Variants in GRIN3A observed in about 807,000 individuals in gnomAD.
The protein encoded by GRIN3A is glutamate receptor ionotropic, NMDA 3A.
Under a neutral mutation model 92.4 loss-of-function variants are expected in GRIN3A, and 47 were observed. That is an observed-to-expected ratio of 0.51 (90% confidence interval 0.40 to 0.65). The LOEUF (loss-of-function observed/expected upper bound fraction) is 0.65, where lower values mean the gene tolerates loss of function less well. Among genes scored for constraint, GRIN3A ranks in the 30% least tolerant of loss-of-function variants. GRIN3A has a pLI of 0.00. For synonymous variants in GRIN3A, 527 were observed against 540.6 expected, an observed-to-expected ratio of 0.97 and a Z score of 0.35; for missense variants, 1,324 against 1,393.1, an observed-to-expected ratio of 0.95 and a Z score of 0.79.
At chr9:101,595,751 C>T (rs990058895) in intron 6 of GRIN3A, among the ~76,000 whole-genome samples, 1 of 152,188 alleles carries the variant, frequency 6.6e-6, no homozygotes, top group African/African-American at 2.4e-5. Flanking sequence ...AGAACACAAC[C>T]TCTGTTACTC....
intron 6 of GRIN3A, among the ~76,000 whole-genome samples, chr9:101,585,608 C>T (rs1827940159): frequency 6.6e-6 from 1 of 152,180 alleles, no homozygotes; most frequent in South Asian, 2.1e-4. Context: ...CCTTTGATTC[C>T]TGTCTTTCTC....
chr9:101,676,638 A>G (rs976967277), intron 2 of GRIN3A, among the ~76,000 whole-genome samples: 3 of 151,854 alleles, frequency 2.0e-5, no homozygotes, highest in African/African-American at 7.3e-5. Context: ...TACTAGTAAC[A>G]TTCTCTCAAA....
At chr9:101,595,403 G>T (rs889221016) in intron 6 of GRIN3A, among the ~76,000 whole-genome samples, 4 of 151,770 alleles carry the variant, frequency 2.6e-5, no homozygotes, top group Non-Finnish European at 5.9e-5. Context: ...CAGAAGCACA[G>T]TGCTTCACAG....
chr9:101,654,960 T>C (rs1005670061), intron 3 of GRIN3A, among the ~76,000 whole-genome samples: 1 of 151,890 alleles, frequency 6.6e-6, no homozygotes, highest in African/African-American at 2.4e-5. Flanking sequence ...TGGTGACATA[T>C]ATATTTATGG....
At chr9:101,636,370 C>G (rs772072894) in intron 3 of GRIN3A, among the ~76,000 whole-genome samples, 1 of 152,310 alleles carries the variant, frequency 6.6e-6, no homozygotes, top group Admixed American at 6.5e-5. Flanking sequence ...ATTCCAGGCA[C>G]TGTGCCAGGA....
At chr9:101,671,148 G>A (rs754328528) in intron 2 of GRIN3A, 41 bp from the exon 3 acceptor site, 22 of 1,349,718 alleles carry the variant, frequency 1.6e-5, no homozygotes, top group Non-Finnish European at 2.2e-5. Context: ...GAAAAGCAGT[G>A]AGGCCTAAGA....
At chr9:101,595,640 C>T (rs573727493) in intron 6 of GRIN3A, among the ~76,000 whole-genome samples, 20 of 152,248 alleles carry the variant, frequency 1.3e-4, no homozygotes, top group African/African-American at 4.8e-4. Flanking sequence ...GCAGATACCG[C>T]GCAGAATTTC....
intron 6 of GRIN3A, chr9:101,594,445 G>C: frequency 6.2e-7 from 1 of 1,612,324 alleles, no homozygotes; most frequent in Non-Finnish European, 8.5e-7. Flanking sequence ...GGATCTCCAG[G>C]TCTCTGACCA....
At chr9:101,664,726 A>C (rs1829216675) in intron 3 of GRIN3A, among the ~76,000 whole-genome samples, 1 of 151,992 alleles carries the variant, frequency 6.6e-6, no homozygotes, top group Non-Finnish European at 1.5e-5. Context: ...GATTCAAAGT[A>C]GTTGGTTAAA....
intron 3 of GRIN3A, among the ~76,000 whole-genome samples, chr9:101,630,996 A>G (rs1828703652): frequency 6.6e-6 from 1 of 151,820 alleles, no homozygotes; most frequent in Admixed American, 6.6e-5. Context: ...CAGTTCAGTA[A>G]TTACTTCCCT....
chr9:101,689,507 T>C (rs536689639), intron 1 of GRIN3A, among the ~76,000 whole-genome samples: 3 of 152,242 alleles, frequency 2.0e-5, no homozygotes, highest in African/African-American at 7.2e-5. Flanking sequence ...TAATGATTAA[T>C]TCATATAATC....
chr9:101,692,455 G>A (rs766351146), intron 1 of GRIN3A, among the ~76,000 whole-genome samples: 56 of 152,196 alleles, frequency 3.7e-4, no homozygotes, highest in Non-Finnish European at 1.2e-4. Context: ...GCAGGAAAGA[G>A]TTTGCCACAG....
In GRIN3A at chr9:101,666,251, A is replaced by T. The variant is rs188491999; in HGVS notation, c.2352+3809T>A. Among the ~76,000 whole-genome samples the T allele has an allele frequency of 5.3e-5, 8 of 151,932 alleles. No individual in the cohort carries two copies. In the East Asian group the frequency reaches 1.6e-3, roughly 30 times the overall value. ...ATGGCCTCCCTCTGCCAGGATTCTT[A>T]CTAGCTTCAATCTCTCTCTTGAACT... On this transcript the variant is annotated intron_variant, in intron 3 of 8. Coordinates refer to ENST00000361820, the MANE Select transcript of GRIN3A (RefSeq NM_133445.3).
chr9:101,737,750 T>A lies in GRIN3A; in HGVS notation c.230A>T (p.Gln77Leu). The A allele has an allele frequency of 1.3e-6, 2 of 1,529,416 alleles. No individual in the cohort carries two copies. Among genetic ancestry groups the A allele is most frequent in the Middle Eastern group, 2.1e-4 (1 of 4,850 alleles). The allele number at this position is 1,529,416 out of a possible 1,614,324, so 94.7% of individuals were successfully genotyped here. A position where few individuals can be genotyped will look rare whatever the true frequency, so the allele number is the denominator to read the frequency against. The stretch of plus-strand genomic sequence containing the variant: ...AGTCCCTGGCTCCGGCTCATCCCTC[T>A]GGGCTCCTGCTCGGCTGTCGTCCGG... Reference protein sequence around the residue: ...RAPDDSRAGAQRDEPEPGTRR... With the variant: ...RAPDDSRAGALRDEPEPGTRR... Residue 77 changes from glutamine (Q) to leucine (L), a missense_variant, in exon 1 of 9, where the codon CAG (glutamine) becomes CTG (leucine). Transcript: ENST00000361820.
chr9:101,704,794 A>G (rs751431053), intron 1 of GRIN3A, among the ~76,000 whole-genome samples: 1 of 152,128 alleles, frequency 6.6e-6, no homozygotes, highest in Non-Finnish European at 1.5e-5. Flanking sequence ...ATGCATTTTT[A>G]ATTTAATTTA....
chr9:101,694,608 T>C (rs1303088437), intron 1 of GRIN3A, among the ~76,000 whole-genome samples: 1 of 152,172 alleles, frequency 6.6e-6, no homozygotes, highest in Non-Finnish European at 1.5e-5. Flanking sequence ...TTGAAAGCAT[T>C]TGACTCACTC....
rs191416887 is a variant in GRIN3A at position 101,651,397 on chromosome 9, G to A, written c.2352+18663C>T. 5.9e-5 allele frequency among the ~76,000 whole-genome samples: 9 copies of A among 152,128 alleles called. No individual in the cohort carries two copies. The East Asian group carries it at 1.7e-3, about 30-fold the overall frequency. On this transcript the variant is annotated intron_variant, in intron 3 of 8. Transcript: ENST00000361820. ...GAAAAATGATATGATGTGATAGAAA[G>A]TCAGGTGGGAAGGCTACTTTTGTTA...
intron 6 of GRIN3A, among the ~76,000 whole-genome samples, chr9:101,609,353 A>G (rs964218282): frequency 6.6e-6 from 1 of 152,210 alleles, no homozygotes; most frequent in Non-Finnish European, 1.5e-5. Context: ...TCTATTATTT[A>G]CTATTCACCA....
intron 1 of GRIN3A, among the ~76,000 whole-genome samples, chr9:101,711,099 A>G (rs1253804609): frequency 1.3e-5 from 2 of 152,172 alleles, no homozygotes; most frequent in Non-Finnish European, 2.9e-5. Flanking sequence ...ATAATGTAAG[A>G]TGATAAGATC....
Sources: gnomAD v4.1 joint callset for allele counts (sites outside exome capture counted in the v4.1 genomes callset) on GRCh38, gnomAD v4.1.1 for gene constraint, MANE v1.5 for transcripts, NCBI Gene and HGNC (gene_info 2026-07-23, HGNC 2026-07-21) for gene names.